The following HS3ST3A1 variants were observed in gnomAD, a reference collection of about 807,000 sequenced individuals.
HS3ST3A1 encodes heparan sulfate glucosamine 3-O-sulfotransferase 3A1.
Under a neutral mutation model 25.7 loss-of-function variants are expected in HS3ST3A1, and 19 were observed. The ratio of observed to expected loss-of-function variants is 0.74; its 90% CI spans 0.52 to 1.08. The LOEUF (loss-of-function observed/expected upper bound fraction) is 1.08, where lower values mean the gene tolerates loss of function less well. HS3ST3A1 is among the 50% of genes least tolerant of loss of function. The pLI, the probability that HS3ST3A1 is intolerant of heterozygous loss-of-function variation, is 0.00. For synonymous variants in HS3ST3A1, 226 were observed against 278.6 expected, an observed-to-expected ratio of 0.81 and a Z score of 1.88; for missense variants, 459 against 594.3, an observed-to-expected ratio of 0.77 and a Z score of 2.37.
Position 13,588,152 on chromosome 17 carries a change from C to T in HS3ST3A1, c.599+12379G>A, listed in dbSNP as rs907574597. ...AAAGTTTTATTGGAACACAGCCACACGTATTCATTTACATATCGTCTGTGG... is the reference window on the plus strand; with the variant it reads ...AAAGTTTTATTGGAACACAGCCACATGTATTCATTTACATATCGTCTGTGG... On this transcript the variant is annotated intron_variant, in intron 1 of 1. Coordinates refer to ENST00000284110, the MANE Select transcript of HS3ST3A1 (RefSeq NM_006042.3). 5.3e-5 allele frequency among the ~76,000 whole-genome samples: 8 copies of T among 152,004 alleles called. No homozygotes were observed. The South Asian group carries it at 1.0e-3, about 20-fold the overall frequency.
At chr17:13,549,257 A>G (rs1907176582) in intron 1 of HS3ST3A1, among the ~76,000 whole-genome samples, 1 of 152,156 alleles carries the variant, frequency 6.6e-6, no homozygotes, top group Non-Finnish European at 1.5e-5. Flanking sequence ...AATCAGCAAG[A>G]CCACCAACCC....
At chr17:13,550,154 CATTTT>C (rs1000135907) in intron 1 of HS3ST3A1, among the ~76,000 whole-genome samples, 1 of 152,094 alleles carries the variant, frequency 6.6e-6, no homozygotes, top group Non-Finnish European at 1.5e-5. Context: ...TAGTAGTAAT[CATTTT>C]GTTTTGTTTT....
intron 1 of HS3ST3A1, among the ~76,000 whole-genome samples, chr17:13,501,255 G>A (rs2142292839): frequency 6.6e-6 from 1 of 151,094 alleles, no homozygotes; most frequent in East Asian, 1.9e-4. Flanking sequence ...TTTATGTTAT[G>A]TGTTTTCTAA....
chr17:13,511,574 A>G (rs889119292), intron 1 of HS3ST3A1, among the ~76,000 whole-genome samples: 6 of 152,024 alleles, frequency 3.9e-5, no homozygotes, highest in Admixed American at 6.6e-5. Flanking sequence ...TTATGGAGGT[A>G]ATCACAACAT....
chr17:13,516,831 C>T (rs1392402983), intron 1 of HS3ST3A1, among the ~76,000 whole-genome samples: 4 of 152,120 alleles, frequency 2.6e-5, no homozygotes, highest in East Asian at 1.9e-4. Flanking sequence ...GGATTACAGG[C>T]GCCTGCCACT....
chr17:13,563,689 C>G (rs1291673675), intron 1 of HS3ST3A1, among the ~76,000 whole-genome samples: 1 of 152,096 alleles, frequency 6.6e-6, no homozygotes, highest in African/African-American at 2.4e-5. Context: ...CATAGTTGAG[C>G]AAAGCCTCAG....
At chr17:13,598,130 T>C (rs869057837) in intron 1 of HS3ST3A1, among the ~76,000 whole-genome samples, 3 of 152,118 alleles carry the variant, frequency 2.0e-5, no homozygotes, top group Non-Finnish European at 4.4e-5. Flanking sequence ...TGGTCATAAG[T>C]GTGTGGTACA....
chr17:13,576,262 G>A (rs989739552), intron 1 of HS3ST3A1, among the ~76,000 whole-genome samples: 1 of 152,222 alleles, frequency 6.6e-6, no homozygotes, highest in African/African-American at 2.4e-5. Flanking sequence ...GCTCAGCTCA[G>A]TGTATCTCTT....
intron 1 of HS3ST3A1, among the ~76,000 whole-genome samples, chr17:13,580,132 G>C (rs959457480): frequency 6.6e-6 from 1 of 151,816 alleles, no homozygotes; most frequent in African/African-American, 2.4e-5. Flanking sequence ...GCCAACACAC[G>C]CATTCTTCAA....
intron 1 of HS3ST3A1, among the ~76,000 whole-genome samples, chr17:13,516,270 A>T (rs1906050755): frequency 6.6e-6 from 1 of 152,216 alleles, no homozygotes. Flanking sequence ...AGATTGCATC[A>T]TTGGACTCCA....
At chr17:13,535,141 T>C (rs1195110512) in intron 1 of HS3ST3A1, among the ~76,000 whole-genome samples, 1 of 152,248 alleles carries the variant, frequency 6.6e-6, no homozygotes, top group African/African-American at 2.4e-5. Flanking sequence ...TCACATTTTG[T>C]CAAATGCTCA....
At chr17:13,552,292 A>C (rs1027002627) in intron 1 of HS3ST3A1, among the ~76,000 whole-genome samples, 2 of 152,124 alleles carry the variant, frequency 1.3e-5, no homozygotes, top group Admixed American at 1.3e-4. Flanking sequence ...TATGTTGGCC[A>C]GACTGGTCTC....
At chr17:13,532,660 T>A (rs992184416) in intron 1 of HS3ST3A1, among the ~76,000 whole-genome samples, 1 of 152,008 alleles carries the variant, frequency 6.6e-6, no homozygotes, top group Admixed American at 6.5e-5. Flanking sequence ...TATCTGCTGA[T>A]GGAATACTGA....
chr17:13,537,183 T>C (rs1457359290), intron 1 of HS3ST3A1, among the ~76,000 whole-genome samples: 5 of 152,292 alleles, frequency 3.3e-5, no homozygotes, highest in Non-Finnish European at 5.9e-5. Flanking sequence ...CTCTGCTAGG[T>C]AGAGGATCAG....
chr17:13,498,738 G>T (rs1043009637), intron 1 of HS3ST3A1, among the ~76,000 whole-genome samples: 13 of 152,128 alleles, frequency 8.5e-5, no homozygotes, highest in African/African-American at 3.1e-4. Context: ...CTATACAACT[G>T]TTCAAATTTA....
chr17:13,547,438 A>C (rs926085087), intron 1 of HS3ST3A1, among the ~76,000 whole-genome samples: 22 of 152,144 alleles, frequency 1.4e-4, no homozygotes, highest in African/African-American at 4.8e-4. Context: ...AAAGGGCTGG[A>C]ATTGGAACTA....
At chr17:13,556,776 C>T (rs921400443) in intron 1 of HS3ST3A1, among the ~76,000 whole-genome samples, 48 of 150,308 alleles carry the variant, frequency 3.2e-4, no homozygotes, top group Non-Finnish European at 5.7e-4. Context: ...CGCTTGAAAC[C>T]GGAAGGCAGA....
intron 1 of HS3ST3A1, among the ~76,000 whole-genome samples, chr17:13,573,386 C>T (rs1490247265): frequency 1.3e-5 from 2 of 152,178 alleles, no homozygotes; most frequent in African/African-American, 4.8e-5. Context: ...GAAGGTTCCA[C>T]CTAGAACTCG....
At chr17:13,562,950 G>A (rs551093101) in intron 1 of HS3ST3A1, among the ~76,000 whole-genome samples, 8 of 152,090 alleles carry the variant, frequency 5.3e-5, no homozygotes, top group African/African-American at 1.9e-4. Flanking sequence ...ACCCGATACA[G>A]AGCCTGAAAA....
Sources: allele counts gnomAD v4.1 joint callset (sites outside exome capture counted in the v4.1 genomes callset), GRCh38; gene constraint gnomAD v4.1.1; transcripts MANE v1.5; gene names NCBI Gene and HGNC (gene_info 2026-07-23, HGNC 2026-07-21).